ADAM10: variants seen among roughly 807,000 people sequenced by gnomAD.
ADAM10 encodes the protein disintegrin and metalloproteinase domain-containing protein 10.
ADAM10 carries 17 observed loss-of-function variants against 90.1 expected under a neutral mutation model. The ratio of observed to expected loss-of-function variants is 0.19; its 90% CI spans 0.13 to 0.28. The LOEUF is 0.28. ADAM10 is among the 10% of genes least tolerant of loss of function. The probability of loss-of-function intolerance (pLI) is 1.00; values close to 1 mark genes in which losing one functional copy is unlikely to be tolerated. For missense variants in ADAM10, 610 were observed against 914.3 expected (o/e 0.67, Z 4.29); for synonymous variants, 310 against 298.6 (o/e 1.04, Z -0.40).
At chr15:58,710,741 C>G (rs1898447481) in intron 2 of ADAM10, among the ~76,000 whole-genome samples, 1 of 152,150 alleles carries the variant, frequency 6.6e-6, no homozygotes. Context: ...TGTTTTTAAA[C>G]ATCTATAACA....
At chr15:58,698,430 G>T in intron 2 of ADAM10, 1 of 294,576 alleles carries the variant, frequency 3.4e-6, no homozygotes, top group Non-Finnish European at 6.2e-6. Context: ...AAAAAAATTA[G>T]CCCAGCATAT....
At chr15:58,655,710 AG>A (rs1484000495) in intron 5 of ADAM10, among the ~76,000 whole-genome samples, 9,803 of 44,086 alleles carry the variant, frequency 0.22, 2,198 homozygotes, top group African/African-American at 0.58. Flanking sequence ...ATATATATAT[AG>A]TATATATATA....
Position 58,691,348 on chromosome 15 carries a change from T to C in ADAM10, c.207-9034A>G, listed in dbSNP as rs117971303. On this transcript the variant is annotated intron_variant, in intron 2 of 15. Coordinates refer to ENST00000260408, the MANE Select transcript of ADAM10 (RefSeq NM_001110.4). ...AGCTGCTGCACACAGTACTCATCAA[T>C]GGGCTCACTCATATATATTACCTCG... 8.0e-4 allele frequency: 822 copies of C among 1,030,662 alleles called. 10 individuals are homozygous for C. In the East Asian group the frequency reaches 9.5e-3, roughly 12 times the overall value. The allele number at this position is 1,030,662 out of a possible 1,614,324, so 63.8% of individuals were successfully genotyped here.
At chr15:58,715,620 T>C (rs1898633308) in intron 2 of ADAM10, among the ~76,000 whole-genome samples, 2 of 152,308 alleles carry the variant, frequency 1.3e-5, no homozygotes, top group South Asian at 4.1e-4. Flanking sequence ...GATCTATGTT[T>C]GATTTATGTT....
At chr15:58,735,598 G>A (rs1271741444) in intron 1 of ADAM10, among the ~76,000 whole-genome samples, 1 of 152,006 alleles carries the variant, frequency 6.6e-6, no homozygotes, top group Admixed American at 6.6e-5. Flanking sequence ...TATATAAATA[G>A]TTGTTGTACT....
At chr15:58,688,287 G>C (rs1030945776) in intron 2 of ADAM10, among the ~76,000 whole-genome samples, 1 of 151,986 alleles carries the variant, frequency 6.6e-6, no homozygotes, top group Admixed American at 6.6e-5. Flanking sequence ...CAGTATTTTG[G>C]GAGGGCAAGG....
chr15:58,608,892 T>A (rs1318410850), intron 14 of ADAM10, among the ~76,000 whole-genome samples: 1 of 152,172 alleles, frequency 6.6e-6, no homozygotes, highest in African/African-American at 2.4e-5. Context: ...CTAAAATATC[T>A]AGCACAATAT....
At chr15:58,665,567 T>A (rs554516382) in intron 4 of ADAM10, among the ~76,000 whole-genome samples, 6 of 152,224 alleles carry the variant, frequency 3.9e-5, no homozygotes, top group African/African-American at 1.4e-4. Context: ...TTCTGCAGTA[T>A]TCCTGAGCTC....
At chr15:58,641,745 G>C (rs1346157300) in intron 7 of ADAM10, among the ~76,000 whole-genome samples, 2 of 152,156 alleles carry the variant, frequency 1.3e-5, no homozygotes, top group African/African-American at 4.8e-5. Flanking sequence ...TGAAGTCCTA[G>C]AACGATTTGG....
intron 2 of ADAM10, among the ~76,000 whole-genome samples, chr15:58,688,187 G>C (rs1321280425): frequency 6.6e-6 from 1 of 152,136 alleles, no homozygotes; most frequent in Non-Finnish European, 1.5e-5. Flanking sequence ...CTTCCCAGTA[G>C]AAGCTCCTGT....
At chr15:58,665,528 C>T (rs1897058505) in intron 4 of ADAM10, among the ~76,000 whole-genome samples, 1 of 151,944 alleles carries the variant, frequency 6.6e-6, no homozygotes, top group Non-Finnish European at 1.5e-5. Flanking sequence ...TGTTTCTGGA[C>T]CATCATCTGG....
intron 4 of ADAM10, among the ~76,000 whole-genome samples, chr15:58,674,469 T>A (rs1023820999): frequency 2.0e-5 from 3 of 152,192 alleles, no homozygotes; most frequent in Non-Finnish European, 2.9e-5. Flanking sequence ...AGATTTCCAA[T>A]CTCCAGACTG....
At chr15:58,658,680 T>C (rs1896891566) in intron 5 of ADAM10, among the ~76,000 whole-genome samples, 1 of 152,244 alleles carries the variant, frequency 6.6e-6, no homozygotes, top group Admixed American at 6.5e-5. Context: ...CAATGTTTTC[T>C]AGTTCTTCAT....
intron 3 of ADAM10, 135 bp from the exon 4 acceptor site, chr15:58,679,417 G>T: frequency 1.3e-6 from 1 of 788,142 alleles, no homozygotes; most frequent in Non-Finnish European, 2.0e-6. Flanking sequence ...GTTAAATCTT[G>T]AATATAAATT....
rs199790724 is a variant in ADAM10 at position 58,749,646 on chromosome 15, C to A, written c.-112G>T. The A allele has an allele frequency of 6.5e-5, 99 of 1,520,754 alleles. No individual in the cohort carries two copies. The highest frequency in any genetic ancestry group is 8.7e-5 in the Non-Finnish European group (98 of 1,128,542). 94.2% of individuals were successfully genotyped at this position (1,520,754 alleles called of 1,614,324 possible). On this transcript the variant is annotated 5_prime_UTR_variant, in exon 1 of 16. Coordinates refer to ENST00000260408, the MANE Select transcript of ADAM10 (RefSeq NM_001110.4). ...CCGGAGCCTCCACGGGAAGCCGGGA[C>A]CTCCCCTGGCAGGAGAAACGGCGAA...
At chr15:58,599,818 G>C in intron 14 of ADAM10, 94 bp from the exon 15 acceptor site, 1 of 1,258,130 alleles carries the variant, frequency 7.9e-7, no homozygotes, top group African/African-American at 1.5e-5. Context: ...ATAGAACACA[G>C]TATATTGTAA....
chr15:58,675,116 T>C (rs1303252305), intron 4 of ADAM10, among the ~76,000 whole-genome samples: 3 of 152,212 alleles, frequency 2.0e-5, no homozygotes, highest in African/African-American at 7.2e-5. Context: ...GAGAATCACC[T>C]GAACCCAGAA....
chr15:58,633,989 A>T (rs1391873686), intron 8 of ADAM10, among the ~76,000 whole-genome samples: 1 of 152,092 alleles, frequency 6.6e-6, no homozygotes, highest in Admixed American at 6.6e-5. Flanking sequence ...CAAATGCGAC[A>T]AAAGGTTAAT....
intron 11 of ADAM10, among the ~76,000 whole-genome samples, chr15:58,619,998 C>T (rs543176382): frequency 1.3e-5 from 2 of 152,038 alleles, no homozygotes; most frequent in East Asian, 3.9e-4. Flanking sequence ...AAGCATACTA[C>T]ATTCCACATT....
Sources: allele counts gnomAD v4.1 joint callset (sites outside exome capture counted in the v4.1 genomes callset), GRCh38; gene constraint gnomAD v4.1.1; transcripts MANE v1.5; gene names NCBI Gene and HGNC (gene_info 2026-07-23, HGNC 2026-07-21).